NBPF12: variants seen among roughly 807,000 people sequenced by gnomAD.
NBPF12 encodes the protein NBPF member 12, also known as NBPF family member NBPF12.
Under a neutral mutation model 146.4 loss-of-function variants are expected in NBPF12, and 115 were observed. The ratio of observed to expected loss-of-function variants is 0.79; its 90% CI spans 0.68 to 0.92. The LOEUF (loss-of-function observed/expected upper bound fraction) is 0.92, where lower values mean the gene tolerates loss of function less well. Ranked by LOEUF, NBPF12 falls within the 40% of genes least tolerant of loss-of-function variation. The probability of loss-of-function intolerance (pLI) is 0.00; values close to 1 mark genes in which losing one functional copy is unlikely to be tolerated. For missense variants in NBPF12, 1,205 were observed against 1,326.8 expected, an observed-to-expected ratio of 0.91 and a Z score of 1.43; for synonymous variants, 385 against 508.9, an observed-to-expected ratio of 0.76 and a Z score of 3.28.
At chr1:146,981,537 G>T (rs1224125384) in intron 19 of NBPF12, among the ~76,000 whole-genome samples, 3 of 151,350 alleles carry the variant, frequency 2.0e-5, no homozygotes, top group East Asian at 1.9e-4. Context: ...GTGTCCCGGG[G>T]TTGCTCTTCT....
intron 19 of NBPF12, among the ~76,000 whole-genome samples, chr1:146,982,309 G>A (rs1395132235): frequency 6.9e-6 from 1 of 145,540 alleles, no homozygotes; most frequent in Non-Finnish European, 1.5e-5. Context: ...TAACAGTCAG[G>A]TCCCTCAGCT....
intron 2 of NBPF12, among the ~76,000 whole-genome samples, chr1:146,943,866 C>G (rs1158059850): frequency 1.4e-5 from 2 of 141,198 alleles, no homozygotes; most frequent in Non-Finnish European, 3.1e-5. Context: ...TCTCACCCCC[C>G]ATTCTCTGCC....
intron 10 of NBPF12, 28 bp downstream of exon 13, chr1:146,968,578 G>T (rs1656354382): frequency 6.2e-5 from 97 of 1,553,824 alleles, no homozygotes; most frequent in Non-Finnish European, 2.7e-6. Flanking sequence ...GGGCAGGCAG[G>T]GGGGCAGGTG....
intron 19 of NBPF12, among the ~76,000 whole-genome samples, chr1:146,980,982 G>T: frequency 7.4e-6 from 1 of 135,090 alleles, no homozygotes; most frequent in Admixed American, 8.0e-5. Context: ...CCTTTGTAGG[G>T]GCATGGATGA....
chr1:146,971,618 A>G, intron 13 of NBPF12, among the ~76,000 whole-genome samples: 1 of 147,524 alleles, frequency 6.8e-6, no homozygotes, highest in Non-Finnish European at 1.5e-5. Context: ...GGTGAAACCC[A>G]TCTTTACGAA....
chr1:146,961,232 T>C (rs1471452856), intron 4 of NBPF12, among the ~76,000 whole-genome samples: 1 of 151,832 alleles, frequency 6.6e-6, no homozygotes, highest in Non-Finnish European at 1.5e-5. Context: ...TGCTTCCTGG[T>C]GCACAGGCTC....
rs1226663464 is a variant in NBPF12 at position 146,981,946 on chromosome 1, CA to C, written c.2451-981del. Among the ~76,000 whole-genome samples, 1,363 of 148,480 alleles carry C rather than the reference CA, an allele frequency of 9.2e-3. 24 individuals carry two copies. Among genetic ancestry groups the C allele is most frequent in the African/African-American group, 0.033 (1,293 of 39,180 alleles). On this transcript the variant is annotated intron_variant, in intron 19 of 33. Coordinates refer to ENST00000617844, the Ensembl canonical transcript of NBPF12. ...CTCTACACTGTTCATTCTGGTTAGC[CA>C]TTCGTCTAATCTTTTTTCAAGGTTT...
At chr1:146,972,905 G>T in exon 14 of NBPF12, 1 of 1,038,964 alleles carries the variant, frequency 9.6e-7, no homozygotes, top group East Asian at 2.4e-5. Context: ...GCCTCAAAGA[G>T]AAATGTTTTG....
intron 4 of NBPF12, among the ~76,000 whole-genome samples, chr1:146,961,811 G>C (rs1427682846): frequency 1.3e-5 from 2 of 151,926 alleles, no homozygotes; most frequent in Non-Finnish European, 2.9e-5. Flanking sequence ...ACTACTTCAT[G>C]CCCCAGTGCA....
Position 146,966,101 on chromosome 1 carries a change from C to T in NBPF12, c.779-363C>T, listed in dbSNP as rs1229245527. Among the ~76,000 whole-genome samples the T allele has an allele frequency of 5.3e-5, 8 of 151,688 alleles. 1 individual carries two copies. Among genetic ancestry groups the T allele is most frequent in the East Asian group, 3.9e-4 (2 of 5,174 alleles). On this transcript the variant is annotated intron_variant, in intron 8 of 33. Coordinates refer to ENST00000617844, the Ensembl canonical transcript of NBPF12. ...CAGCCTGCGCGACAGAGTGAGACTC[C>T]GTCTCAAACAGAAAACAAAAAACCA...
intron 1 of NBPF12, among the ~76,000 whole-genome samples, chr1:146,941,155 C>T (rs2101804271): frequency 6.6e-6 from 1 of 151,416 alleles, no homozygotes; most frequent in South Asian, 2.1e-4. Context: ...ACAATCACAG[C>T]TTAGTGCAAC....
chr1:146,994,312 A>G lies in NBPF12; in HGVS notation c.4131-20A>G. The stretch of plus-strand genomic sequence containing the variant: ...TCTGACTTTCCCTGGCTGCTTCTTT[A>G]GTTTTGTCTCCTTTTCCAGGCTCAA... On this transcript the variant is annotated intron_variant, in intron 33 of 33. Coordinates refer to ENST00000617844, the Ensembl canonical transcript of NBPF12. 2 of 1,611,386 alleles carry G rather than the reference A, an allele frequency of 1.2e-6. No individual in the cohort carries two copies. Among genetic ancestry groups the G allele is most frequent in the Non-Finnish European group, 1.7e-6 (2 of 1,179,756 alleles).
intron 4 of NBPF12, 95 bp from the exon 8 acceptor site, chr1:146,962,066 G>A (rs1390695485): frequency 9.2e-7 from 1 of 1,086,414 alleles, no homozygotes; most frequent in Non-Finnish European, 1.4e-6. Flanking sequence ...GGAGAGTTTT[G>A]TCCTTGGGAT....
At chr1:146,971,024 A>G (rs1233968992) in intron 12 of NBPF12, among the ~76,000 whole-genome samples, 159 bp from the exon 16 acceptor site, 3 of 151,376 alleles carry the variant, frequency 2.0e-5, no homozygotes, top group Non-Finnish European at 4.4e-5. Context: ...GCTCTGTTGC[A>G]GAGAGAAGAG....
chr1:146,971,928 A>G lies in NBPF12; in HGVS notation c.1591+534A>G, dbSNP rs1260608845. ...CCCCATCTTTACTAAAAATACAAAA[A>G]AAAAAAAAAATTAGCTGGGCGCGGT... On this transcript the variant is annotated intron_variant, in intron 13 of 33. Coordinates refer to ENST00000617844, the Ensembl canonical transcript of NBPF12. 2.7e-5 allele frequency among the ~76,000 whole-genome samples: 4 copies of G among 148,140 alleles called. No homozygotes were observed. In the Admixed American group the frequency reaches 2.7e-4, roughly 10 times the overall value.
intron 2 of NBPF12, among the ~76,000 whole-genome samples, chr1:146,956,292 A>G (rs1222541854): frequency 6.6e-6 from 1 of 152,020 alleles, no homozygotes; most frequent in Non-Finnish European, 1.5e-5. Flanking sequence ...TTTGTAGAAA[A>G]TGGTTAAAAA....
At chr1:146,965,800 A>AAAAAC in intron 8 of NBPF12, among the ~76,000 whole-genome samples, 1 of 129,948 alleles carries the variant, frequency 7.7e-6, no homozygotes, top group Non-Finnish European at 1.7e-5. Flanking sequence ...TCAAAAAAAA[A>AAAAAC]AAAAAAAAAA....
chr1:146,942,412 A>G (rs1654848479), intron 1 of NBPF12, among the ~76,000 whole-genome samples: 1 of 151,602 alleles, frequency 6.6e-6, no homozygotes, highest in Non-Finnish European at 1.5e-5. Flanking sequence ...GTTCAATCTC[A>G]TTTTCAATAT....
At chr1:146,950,640 A>G (rs1186527755) in intron 1 of NBPF12, among the ~76,000 whole-genome samples, 4 of 152,036 alleles carry the variant, frequency 2.6e-5, no homozygotes, top group African/African-American at 7.3e-5. Context: ...TATGGCTCCT[A>G]TTGCACTCAA....
Sources: gnomAD v4.1 joint callset for allele counts (sites outside exome capture counted in the v4.1 genomes callset) on GRCh38, gnomAD v4.1.1 for gene constraint, MANE v1.5 for transcripts, NCBI Gene and HGNC (gene_info 2026-07-23, HGNC 2026-07-21) for gene names.